The following PRIMPOL variants were observed in gnomAD, a reference collection of about 807,000 sequenced individuals.
PRIMPOL encodes the protein DNA-directed primase/polymerase protein.
PRIMPOL carries 54 observed loss-of-function variants against 63.6 expected under a neutral mutation model. That is an observed-to-expected ratio of 0.85 (90% confidence interval 0.68 to 1.07). The LOEUF (loss-of-function observed/expected upper bound fraction) is 1.07. PRIMPOL is among the 50% of genes least tolerant of loss of function. The probability of loss-of-function intolerance (pLI) is 0.00; values close to 1 mark genes in which losing one functional copy is unlikely to be tolerated. For synonymous variants in PRIMPOL, 197 were observed against 220.2 expected (o/e 0.89, Z 0.93); for missense variants, 610 against 648.3 (o/e 0.94, Z 0.64).
intron 6 of PRIMPOL, among the ~76,000 whole-genome samples, chr4:184,668,667 C>T (rs1247621036): frequency 2.0e-5 from 3 of 152,280 alleles, no homozygotes; most frequent in East Asian, 1.9e-4. Flanking sequence ...ATATCTCAAA[C>T]CCTAAGCCTT....
At chr4:184,657,417 T>C (rs1490835051) in intron 3 of PRIMPOL, 97 bp downstream of exon 3, 4 of 1,020,720 alleles carry the variant, frequency 3.9e-6, no homozygotes, top group South Asian at 3.8e-5. Context: ...AAAAAAAAAG[T>C]CTATTATTTG....
At chr4:184,678,658 G>T (rs1486506123) in intron 8 of PRIMPOL, among the ~76,000 whole-genome samples, 2 of 151,330 alleles carry the variant, frequency 1.3e-5, no homozygotes, top group African/African-American at 2.4e-5. Flanking sequence ...CTCCCAAGTA[G>T]CTGGGACTAC....
At chr4:184,684,156 C>T (rs1756381586) in intron 9 of PRIMPOL, among the ~76,000 whole-genome samples, 1 of 152,036 alleles carries the variant, frequency 6.6e-6, no homozygotes, top group Admixed American at 6.6e-5. Flanking sequence ...GATTCTTGTC[C>T]TTAAAAATTA....
intron 4 of PRIMPOL, among the ~76,000 whole-genome samples, chr4:184,659,897 T>A (rs1747786657): frequency 6.6e-6 from 1 of 152,206 alleles, no homozygotes; most frequent in East Asian, 1.9e-4. Context: ...CTCGGCTCAC[T>A]GCAGCCTCTG....
At position 184,657,274 on chromosome 4, in the gene PRIMPOL, T is replaced by A. The variant is rs1746724957; in HGVS notation, c.134T>A (p.Phe45Tyr). 1 of 1,613,100 alleles carries A rather than the reference T, an allele frequency of 6.2e-7. No individual in the cohort carries two copies. The highest frequency in any genetic ancestry group is 1.7e-5 in the Admixed American group (1 of 59,798). Residue 45 changes from phenylalanine to tyrosine, a missense_variant, in exon 3 of 14, where the codon TTT becomes TAT. This residue lies in a region of PRIMPOL where 159 missense variants were observed against 168.9 expected (regional missense o/e 0.94). Transcript: ENST00000314970. ...PEEPPSIWRL[F>Y]HRQAQAFNFV... ...GAACCACCCTCCATCTGGAGACTAT[T>A]TCATCGACAAGCTCAAGCTTTTAAT...
chr4:184,688,671 A>G (rs1757640531), intron 11 of PRIMPOL, among the ~76,000 whole-genome samples: 2 of 152,194 alleles, frequency 1.3e-5, no homozygotes, highest in Admixed American at 6.5e-5. Flanking sequence ...TTTTACACTC[A>G]AGTTGCACAG....
chr4:184,694,457 AAAT>A (rs1760023998), intron 13 of PRIMPOL, 62 bp from the exon 14 acceptor site: 2 of 1,553,586 alleles, frequency 1.3e-6, no homozygotes, highest in East Asian at 4.6e-5. Context: ...GTATAAGGTT[AAAT>A]CACATATCCT....
At chr4:184,686,498 G>A (rs1420946085) in intron 11 of PRIMPOL, among the ~76,000 whole-genome samples, 1 of 152,182 alleles carries the variant, frequency 6.6e-6, no homozygotes, top group African/African-American at 2.4e-5. Context: ...TATATGCCAG[G>A]CCCTGTTTTA....
chr4:184,676,372 T>TCTCCCCTCC (rs1428478092), intron 7 of PRIMPOL, among the ~76,000 whole-genome samples: 1 of 43,030 alleles, frequency 2.3e-5, no homozygotes, highest in Admixed American at 2.3e-4. Flanking sequence ...TCCTTTCCCT[T>TCTCCCCTCC]CCCTTCCCTT....
chr4:184,690,652 G>T (rs1215434971), intron 11 of PRIMPOL, among the ~76,000 whole-genome samples: 1 of 152,098 alleles, frequency 6.6e-6, no homozygotes, highest in East Asian at 1.9e-4. Context: ...TATAGACGGG[G>T]TTTCACTATG....
rs1458330390 is a variant in PRIMPOL, at chr4:184,674,846, A to G, written c.844+2386A>G. The stretch of plus-strand genomic sequence containing the variant: ...CATCTGTTTACACGACGAATCATTC[A>G]TCTGAAACGGCGACAACAGCAGCTG... On this transcript the variant is annotated intron_variant, in intron 7 of 13. Coordinates refer to ENST00000314970, the MANE Select transcript of PRIMPOL (RefSeq NM_152683.4). Among the ~76,000 whole-genome samples, 8 of 152,206 alleles carry G rather than the reference A, an allele frequency of 5.3e-5. No homozygotes were observed. In the East Asian group the frequency reaches 1.5e-3, roughly 29 times the overall value.
chr4:184,658,156 G>A (rs958985484), intron 3 of PRIMPOL, among the ~76,000 whole-genome samples: 16 of 151,876 alleles, frequency 1.1e-4, no homozygotes, highest in African/African-American at 3.6e-4. Context: ...TAAGTGTGCT[G>A]TGAGTCTGAT....
chr4:184,680,734 G>T (rs1245358278), intron 8 of PRIMPOL, among the ~76,000 whole-genome samples: 1 of 152,230 alleles, frequency 6.6e-6, no homozygotes, highest in East Asian at 1.9e-4. Context: ...CTATCTTACG[G>T]AGTTGTCGAG....
intron 10 of PRIMPOL, 33 bp downstream of exon 10, chr4:184,685,531 T>C (rs1205222355): frequency 1.3e-6 from 2 of 1,592,682 alleles, no homozygotes; most frequent in South Asian, 1.1e-5. Flanking sequence ...TTAACTGTTA[T>C]ATGATAGAGT....
At chr4:184,660,784 C>T (rs2150050519) in intron 4 of PRIMPOL, among the ~76,000 whole-genome samples, 1 of 152,288 alleles carries the variant, frequency 6.6e-6, no homozygotes, top group South Asian at 2.1e-4. Context: ...ACTACCTGTA[C>T]CACCTGATGA....
chr4:184,671,747 T>G (rs978168360), intron 6 of PRIMPOL, among the ~76,000 whole-genome samples: 3 of 150,048 alleles, frequency 2.0e-5, no homozygotes, highest in African/African-American at 7.4e-5. Flanking sequence ...GGTTTTTTTT[T>G]TTTTTTTTTT....
intron 7 of PRIMPOL, among the ~76,000 whole-genome samples, chr4:184,674,636 A>G (rs989412575): frequency 1.3e-5 from 2 of 152,106 alleles, no homozygotes; most frequent in African/African-American, 2.4e-5. Flanking sequence ...CTGATAGCCT[A>G]CTCTTGACCG....
chr4:184,688,562 C>T (rs1442221547), intron 11 of PRIMPOL, among the ~76,000 whole-genome samples: 2 of 152,234 alleles, frequency 1.3e-5, no homozygotes, highest in African/African-American at 2.4e-5. Context: ...CCCGGCTCCC[C>T]TGGCCCTTCC....
chr4:184,667,591 T>A (rs1473660155), intron 6 of PRIMPOL, among the ~76,000 whole-genome samples: 3 of 152,224 alleles, frequency 2.0e-5, no homozygotes, highest in African/African-American at 7.2e-5. Context: ...ATTACAGGCG[T>A]GAGCCACCGT....
Sources: gnomAD v4.1 joint callset for allele counts (sites outside exome capture counted in the v4.1 genomes callset) on GRCh38, gnomAD v4.1.1 for gene constraint, gnomAD v4.1.1 regional missense constraint, MANE v1.5 for transcripts, NCBI Gene and HGNC (gene_info 2026-07-23, HGNC 2026-07-21) for gene names.